Variants in VPS16 observed in about 807,000 individuals in gnomAD.
The protein encoded by VPS16 is vacuolar protein sorting-associated protein 16 homolog.
In VPS16, 82 loss-of-function variants were observed where a neutral mutation model predicts 116.0. The observed-to-expected ratio is 0.71, with a 90% CI of 0.59 to 0.85. VPS16 has a LOEUF of 0.85. Among genes scored for constraint, VPS16 ranks in the 40% least tolerant of loss-of-function variants. The pLI, the probability that VPS16 is intolerant of heterozygous loss-of-function variation, is 0.00. For synonymous variants in VPS16, 406 were observed against 420.7 expected, an observed-to-expected ratio of 0.96 and a Z score of 0.43; for missense variants, 928 against 1,090.6, an observed-to-expected ratio of 0.85 and a Z score of 2.10.
chr20:2,859,546 A>G (rs868211859), intron 1 of VPS16, among the ~76,000 whole-genome samples, 173 bp from the exon 2 acceptor site: 1 of 152,176 alleles, frequency 6.6e-6, no homozygotes, highest in Non-Finnish European at 1.5e-5. Context: ...GCATGTGGTC[A>G]GTTCACCCAA....
At chr20:2,857,520 T>TTG (rs1555796930) in intron 1 of VPS16, among the ~76,000 whole-genome samples, 5 of 151,044 alleles carry the variant, frequency 3.3e-5, no homozygotes, top group African/African-American at 9.8e-5. Context: ...CTTTTTTTTT[T>TTG]TTTTGAGACG....
Position 2,858,596 on chromosome 20 carries a change from C to T in VPS16, c.54-1123C>T, listed in dbSNP as rs1351733864. On this transcript the variant is annotated intron_variant, in intron 1 of 23. Transcript: ENST00000380445. Reference sequence around the variant, plus strand: ...TAATGAGAAGGTCCCTGAAATGATACCGGCTGAAATGCCCTTCTTAAACAC... The same window carrying T: ...TAATGAGAAGGTCCCTGAAATGATATCGGCTGAAATGCCCTTCTTAAACAC... Among the ~76,000 whole-genome samples, 5 of 152,000 alleles carry T rather than the reference C, an allele frequency of 3.3e-5. No individual in the cohort carries two copies. The South Asian group carries it at 8.3e-4, about 25-fold the overall frequency.
chr20:2,866,199 C>T lies in VPS16; in HGVS notation c.2272-13C>T, dbSNP rs991967497. 2.5e-6 allele frequency: 4 copies of T among 1,613,662 alleles called. No homozygotes were observed. Among genetic ancestry groups the T allele is most frequent in the Non-Finnish European group, 3.4e-6 (4 of 1,179,670 alleles). On this transcript the variant is annotated splice_polypyrimidine_tract_variant and intron_variant, in intron 22 of 23. Transcript: ENST00000380445. ...CATTACCTTCTCCCTCCACCCGCTT[C>T]CTCTCCTCCAAGCCTTTTGTGGAGA...
intron 1 of VPS16, among the ~76,000 whole-genome samples, chr20:2,844,266 C>A (rs956855560): frequency 8.5e-5 from 13 of 152,206 alleles, no homozygotes; most frequent in African/African-American, 2.7e-4. Flanking sequence ...GGACTTGATA[C>A]ATGTCTGAGT....
Position 2,863,202 on chromosome 20 carries a change from T to A in VPS16, c.1368-88T>A. On this transcript the variant is annotated intron_variant, in intron 14 of 23. Transcript: ENST00000380445. The surrounding 1 kb of genome is among the most constrained non-coding windows in gnomAD (Gnocchi z 4.4). ...CACTGCTCCTGACCTATCTAGGATG[T>A]GGGAGGCCTGATGTGCAGGCTGAGG... The A allele has an allele frequency of 1.9e-6, 3 of 1,610,394 alleles. No homozygotes were observed. Among genetic ancestry groups the A allele is most frequent in the Non-Finnish European group, 2.5e-6 (3 of 1,177,044 alleles).
Position 2,840,813 on chromosome 20 carries a change from C to G in VPS16, c.39C>G (p.Asp13Glu). The change falls in exon 1 of 24, where the codon GAC (aspartate) becomes GAG (glutamate). Residue 13 changes from aspartate to glutamate, a missense_variant. Transcript: ENST00000380445. ...CGGCGAACTGGAACCCACTCGGGGA[C>G]TCTGCCTTTTACCGGTGAGCTGCCC... ...CYTANWNPLG[D>E]SAFYRKYELY... 6.5e-7 allele frequency: 1 copy of G among 1,548,092 alleles called. No homozygotes were observed. The highest frequency in any genetic ancestry group is 8.7e-7 in the Non-Finnish European group (1 of 1,146,564).
In VPS16 at chr20:2,866,483, T is replaced by C. The variant is rs2089349459; in HGVS notation, c.2429T>C (p.Leu810Pro). 1 of 1,614,078 alleles carries C rather than the reference T, an allele frequency of 6.2e-7. No individual in the cohort carries two copies. The highest frequency in any genetic ancestry group is 1.7e-5 in the Admixed American group (1 of 60,010). The change falls in exon 24 of 24, where the codon CTG becomes CCG. Residue 810 changes from leucine to proline, a missense_variant. Physicochemically the swap from Leu to Pro is moderately conservative, Grantham distance 98. Transcript: ENST00000380445. ...VAIEHRNEAE[L>P]SLVLSHCTGA... is the part of the protein sequence containing the mutation. ...ATCGAACACCGGAATGAGGCTGAGC[T>C]GAGCCTCGTATTGTCCCACTGCACG...
intron 1 of VPS16, chr20:2,841,111 G>C: frequency 2.0e-6 from 1 of 500,194 alleles, no homozygotes; most frequent in Admixed American, 3.8e-5. Context: ...GCAGCTCGCG[G>C]GTGACAGCGA....
rs2089330211 is a variant in VPS16, at chr20:2,865,808, G to A, written c.2271+313G>A. The A allele has an allele frequency of 2.1e-6, 1 of 476,324 alleles. No homozygotes were observed. Among genetic ancestry groups the A allele is most frequent in the South Asian group, 2.4e-5 (1 of 42,510 alleles). The allele number at this position is 476,324 out of a possible 1,614,324, so 29.5% of individuals were successfully genotyped here. On this transcript the variant is annotated intron_variant, in intron 22 of 23. Coordinates refer to ENST00000380445, the MANE Select transcript of VPS16 (RefSeq NM_022575.4). This position sits in a 1 kb window ranked among gnomAD's most constrained non-coding sequence, Gnocchi z 5.2. ...GAGGAGGGTGGAGGGGGCACAGGGA[G>A]GGTGCATATGGGAGGCAGTGGAGAT...
rs1206764734 is a variant in VPS16 at position 2,863,041 on chromosome 20, G to T, written c.1332-24G>T. 1 of 1,614,096 alleles carries T rather than the reference G, an allele frequency of 6.2e-7. No individual in the cohort carries two copies. Among genetic ancestry groups the T allele is most frequent in the Admixed American group, 1.7e-5 (1 of 60,026 alleles). On this transcript the variant is annotated intron_variant, in intron 13 of 23. Transcript: ENST00000380445. The surrounding 1 kb of genome is among the most constrained non-coding windows in gnomAD (Gnocchi z 4.4). ...GCAAGCGGGGCTTATTCTCCAACTG[G>T]ATCCTTAACCGAGGAAAATACAGAT...
At chr20:2,852,311 T>A (rs2089130252) in intron 1 of VPS16, among the ~76,000 whole-genome samples, 1 of 152,128 alleles carries the variant, frequency 6.6e-6, no homozygotes, top group African/African-American at 2.4e-5. Flanking sequence ...CTGAGAAAGC[T>A]TAACATGCTC....
At position 2,862,887 on chromosome 20, in the gene VPS16, C is replaced by T. The variant is rs759441645; in HGVS notation, c.1284C>T (p.Leu428=). Residue 428 remains leucine (L), a synonymous_variant, in exon 13 of 24, where the codon CTC becomes CTT. Transcript: ENST00000380445. Reference sequence around the variant, plus strand: ...ACATGTGTCAGGACCTGCGTGTGCTCAATGCTGTTCGGGACTATCACATCG... The same window carrying T: ...ACATGTGTCAGGACCTGCGTGTGCTTAATGCTGTTCGGGACTATCACATCG... ...FVHMCQDLRV[L]NAVRDYHIGI... The T allele has an allele frequency of 1.9e-6, 3 of 1,614,084 alleles. No homozygotes were observed. The highest frequency in any genetic ancestry group is 1.7e-6 in the Non-Finnish European group (2 of 1,180,002).
chr20:2,866,385 C>T, intron 23 of VPS16, 45 bp from the exon 24 acceptor site: 1 of 1,613,988 alleles, frequency 6.2e-7, no homozygotes, highest in Non-Finnish European at 8.5e-7. Flanking sequence ...GGGTTTGTGC[C>T]CTTGAGCAGC....
rs774455609 is a variant in VPS16 at position 2,864,960 on chromosome 20, T to G, written c.1927-18T>G. 35 of 1,614,002 alleles carry G rather than the reference T, an allele frequency of 2.2e-5. No homozygotes were observed. The highest frequency in any genetic ancestry group is 2.8e-5 in the Non-Finnish European group (33 of 1,180,002). On this transcript the variant is annotated intron_variant, in intron 19 of 23. Coordinates refer to ENST00000380445, the MANE Select transcript of VPS16 (RefSeq NM_022575.4). The surrounding 1 kb of genome is among the most constrained non-coding windows in gnomAD (Gnocchi z 5.2). ...TCCTGCATGCTGTGAGTTCAGGCCT[T>G]CCTTCTTGTCTTTATAGCGTATTGA...
At position 2,860,898 on chromosome 20, in the gene VPS16, T is replaced by G; in HGVS notation, c.630+35T>G. ...CTGAGTGGGAATGAAGTGGACGGGCTGGGTTAGGCAATAGGGAGGTTCTGA... is the reference window on the plus strand; with the variant it reads ...CTGAGTGGGAATGAAGTGGACGGGCGGGGTTAGGCAATAGGGAGGTTCTGA... On this transcript the variant is annotated intron_variant, in intron 6 of 23. Coordinates refer to ENST00000380445, the MANE Select transcript of VPS16 (RefSeq NM_022575.4). The surrounding 1 kb of genome is among the most constrained non-coding windows in gnomAD (Gnocchi z 6.1). 6.2e-7 allele frequency: 1 copy of G among 1,614,058 alleles called. No homozygotes were observed. The highest frequency in any genetic ancestry group is 1.3e-5 in the African/African-American group (1 of 75,056).
intron 1 of VPS16, among the ~76,000 whole-genome samples, chr20:2,848,822 A>C (rs2089087499): frequency 6.6e-6 from 1 of 152,184 alleles, no homozygotes. Flanking sequence ...GGAAAGGCAA[A>C]TCCACATTCA....
Position 2,866,613 on chromosome 20 carries a change from C to G in VPS16, c.*39C>G, listed in dbSNP as rs1300723144. 2.5e-6 allele frequency: 4 copies of G among 1,609,308 alleles called. No homozygotes were observed. Among genetic ancestry groups the G allele is most frequent in the African/African-American group, 2.7e-5 (2 of 74,854 alleles). On this transcript the variant is annotated 3_prime_UTR_variant, in exon 24 of 24. Transcript: ENST00000380445. ...TACATCTCAAGCAAGGGGTTCCTCC[C>G]CTAGCACCTGGGCTTGGCAGAAGGG...
In VPS16 at chr20:2,860,139, G is replaced by C. The variant is rs1367493948; in HGVS notation, c.228G>C (p.Leu76=). 2 of 1,614,048 alleles carry C rather than the reference G, an allele frequency of 1.2e-6. No individual in the cohort carries two copies. Among genetic ancestry groups the C allele is most frequent in the Middle Eastern group, 1.6e-4 (1 of 6,062 alleles). The change falls in exon 3 of 24, where the codon CTG becomes CTC. Residue 76 remains leucine, a synonymous_variant. Coordinates refer to ENST00000380445, the MANE Select transcript of VPS16 (RefSeq NM_022575.4). This position sits in a 1 kb window ranked among gnomAD's most constrained non-coding sequence, Gnocchi z 6.1. The part of the protein sequence containing the change: ...LDIYSASGMP[L]ASLLWKSGPV... ...TATACTCTGCTTCCGGCATGCCTCT[G>C]GCCAGCCTGCTGGTGAGCACTTCTG...
chr20:2,859,606 C>T, intron 1 of VPS16, 113 bp from the exon 2 acceptor site: 1 of 1,257,518 alleles, frequency 8.0e-7, no homozygotes, highest in Non-Finnish European at 1.1e-6. Flanking sequence ...AGAGTGGAGA[C>T]TTCCTCTACA....
Sources: gnomAD v4.1 joint callset for allele counts (sites outside exome capture counted in the v4.1 genomes callset) on GRCh38, gnomAD v4.1.1 for gene constraint, Gnocchi (gnomAD v3.1) non-coding constraint, MANE v1.5 for transcripts, NCBI Gene and HGNC (gene_info 2026-07-23, HGNC 2026-07-21) for gene names.